The following TEC variants were observed in gnomAD, a reference collection of about 807,000 sequenced individuals.
TEC encodes the protein tyrosine-protein kinase Tec.
In TEC, 72 loss-of-function variants were observed where a neutral mutation model predicts 93.0. That is an observed-to-expected ratio of 0.77 (90% CI 0.64 to 0.94). The LOEUF (loss-of-function observed/expected upper bound fraction) is 0.94. Ranked by LOEUF, TEC falls within the 40% of genes least tolerant of loss-of-function variation. The probability of loss-of-function intolerance (pLI) is 0.00; values close to 1 mark genes in which losing one functional copy is unlikely to be tolerated. For missense variants in TEC, 630 were observed against 757.9 expected, an observed-to-expected ratio of 0.83 and a Z score of 1.98; for synonymous variants, 249 against 247.7, an observed-to-expected ratio of 1.01 and a Z score of -0.05.
chr4:48,193,291 G>A (rs1320160302), intron 2 of TEC, among the ~76,000 whole-genome samples: 6 of 151,674 alleles, frequency 4.0e-5, no homozygotes, highest in East Asian at 3.9e-4. Flanking sequence ...TAACTACGCC[G>A]TTTTCGAGAA....
At position 48,145,547 on chromosome 4, in the gene TEC, A is replaced by G; in HGVS notation, c.1114T>C (p.Phe372Leu). ...AGTCCACTTCCCAATTCCCTCATAA[A>G]GGTCAGTTCTGAAGGGTTAATCTCC... is the stretch of plus-strand genomic sequence containing the variant. Reference protein sequence around the residue: ...KWEINPSELTFMRELGSGLFG... With the variant: ...KWEINPSELTLMRELGSGLFG... Residue 372 changes from phenylalanine (F) to leucine (L), a missense_variant, in exon 13 of 18, where the codon TTT becomes CTT. This residue lies in a region of TEC where 289 missense variants were observed against 390.0 expected (regional missense o/e 0.74). Coordinates refer to ENST00000381501, the MANE Select transcript of TEC (RefSeq NM_003215.3). The G allele has an allele frequency of 1.9e-6, 3 of 1,614,144 alleles. No individual in the cohort carries two copies. Among genetic ancestry groups the G allele is most frequent in the Non-Finnish European group, 2.5e-6 (3 of 1,180,006 alleles).
intron 2 of TEC, among the ~76,000 whole-genome samples, chr4:48,180,959 CAA>C (rs1721559926): frequency 6.6e-6 from 1 of 152,104 alleles, no homozygotes; most frequent in African/African-American, 2.4e-5. Flanking sequence ...GTAAGAAAAG[CAA>C]AGACACCAGA....
chr4:48,144,594 C>T (rs1719825278), intron 14 of TEC, among the ~76,000 whole-genome samples: 1 of 152,180 alleles, frequency 6.6e-6, no homozygotes, highest in African/African-American at 2.4e-5. Context: ...TTAACATGAA[C>T]CTCCATGTTT....
intron 1 of TEC, among the ~76,000 whole-genome samples, chr4:48,257,000 G>T (rs2109675977): frequency 6.6e-6 from 1 of 152,288 alleles, no homozygotes; most frequent in East Asian, 1.9e-4. Context: ...TAATAAATAT[G>T]AATTTAAAAT....
chr4:48,250,050 C>T (rs1724161498), intron 1 of TEC, among the ~76,000 whole-genome samples: 1 of 152,210 alleles, frequency 6.6e-6, no homozygotes, highest in South Asian at 2.1e-4. Flanking sequence ...TTAGCTTTGA[C>T]ATTCTCCAGA....
chr4:48,246,780 G>C (rs1414590173), intron 1 of TEC, among the ~76,000 whole-genome samples: 3 of 152,050 alleles, frequency 2.0e-5, no homozygotes, highest in Non-Finnish European at 2.9e-5. Flanking sequence ...TTTAATTAAA[G>C]AACTAAAATT....
At chr4:48,140,554 T>C (rs1044654132) in intron 15 of TEC, among the ~76,000 whole-genome samples, 1 of 152,202 alleles carries the variant, frequency 6.6e-6, no homozygotes, top group Admixed American at 6.5e-5. Context: ...ATATTTCAGA[T>C]CTGGCAGGCC....
chr4:48,140,795 C>T (rs183963437), intron 15 of TEC, among the ~76,000 whole-genome samples: 59 of 152,212 alleles, frequency 3.9e-4, no homozygotes, highest in African/African-American at 1.4e-3. Flanking sequence ...CCACAGTTTA[C>T]CAGTATCGAC....
chr4:48,190,867 C>G (rs1722069222), intron 2 of TEC, among the ~76,000 whole-genome samples: 1 of 152,140 alleles, frequency 6.6e-6, no homozygotes, highest in African/African-American at 2.4e-5. Context: ...TGATGAAGAA[C>G]TTGTAAAGTT....
At chr4:48,211,860 G>A (rs1386722000) in intron 2 of TEC, among the ~76,000 whole-genome samples, 3 of 152,028 alleles carry the variant, frequency 2.0e-5, no homozygotes, top group Non-Finnish European at 4.4e-5. Context: ...CACTTTGGGA[G>A]GCCGAGGTAG....
chr4:48,258,542 T>C (rs1724406128), intron 1 of TEC, among the ~76,000 whole-genome samples: 2 of 152,234 alleles, frequency 1.3e-5, no homozygotes, highest in Non-Finnish European at 2.9e-5. Flanking sequence ...ATACTCCCTC[T>C]TGTATGTAAT....
chr4:48,256,869 G>A (rs1403341342), intron 1 of TEC, among the ~76,000 whole-genome samples: 1 of 152,166 alleles, frequency 6.6e-6, no homozygotes, highest in Non-Finnish European at 1.5e-5. Context: ...CCGGTCCTTA[G>A]GAGACAAAGA....
chr4:48,153,029 A>G (rs556574957), intron 9 of TEC, among the ~76,000 whole-genome samples: 1 of 152,264 alleles, frequency 6.6e-6, no homozygotes, highest in Admixed American at 6.5e-5. Flanking sequence ...TCACAGGTAG[A>G]CCCAGGTCCC....
intron 2 of TEC, among the ~76,000 whole-genome samples, chr4:48,221,216 G>A (rs965978980): frequency 1.3e-5 from 2 of 152,206 alleles, no homozygotes; most frequent in African/African-American, 4.8e-5. Flanking sequence ...TGGTTTGGCT[G>A]TGTCTGCACC....
intron 1 of TEC, among the ~76,000 whole-genome samples, chr4:48,229,303 G>A (rs1307875415): frequency 6.6e-6 from 1 of 152,214 alleles, no homozygotes; most frequent in Non-Finnish European, 1.5e-5. Context: ...GCTCAGGGCA[G>A]AGTCCACCTG....
At chr4:48,223,403 C>A (rs187450744) in intron 2 of TEC, among the ~76,000 whole-genome samples, 1 of 151,844 alleles carries the variant, frequency 6.6e-6, no homozygotes, top group East Asian at 1.9e-4. Flanking sequence ...AAGATTATTT[C>A]AAAGATAGGC....
chr4:48,196,468 A>C (rs1489263240), intron 2 of TEC, among the ~76,000 whole-genome samples: 1 of 152,240 alleles, frequency 6.6e-6, no homozygotes, highest in East Asian at 1.9e-4. Flanking sequence ...GAATTCGAAG[A>C]GTCAATTCAT....
rs1477988228 is a variant in TEC, at chr4:48,136,933, T to C, written c.*483A>G. On this transcript the variant is annotated 3_prime_UTR_variant, in exon 18 of 18. Coordinates refer to ENST00000381501, the MANE Select transcript of TEC (RefSeq NM_003215.3). ...TTTCAAAACAAAAGATAGGTATTTA[T>C]TTATCCAAGATGGGTTCCTGATGTA... is the stretch of plus-strand genomic sequence containing the variant. The C allele has an allele frequency of 6.6e-6, 1 of 152,600 alleles. No homozygotes were observed. The highest frequency in any genetic ancestry group is 2.4e-5 in the African/African-American group (1 of 41,460). The allele number at this position is 152,600 out of a possible 1,614,324, so 9.5% of individuals were successfully genotyped here.
intron 8 of TEC, 80 bp from the exon 9 acceptor site, chr4:48,156,814 C>T: frequency 9.0e-7 from 1 of 1,107,860 alleles, no homozygotes; most frequent in Non-Finnish European, 1.3e-6. Flanking sequence ...TAAAGTAATT[C>T]TGCTCATCAA....
Sources: allele counts gnomAD v4.1 joint callset (sites outside exome capture counted in the v4.1 genomes callset), GRCh38; gene constraint gnomAD v4.1.1; regional missense constraint gnomAD v4.1.1; transcripts MANE v1.5; gene names NCBI Gene and HGNC (gene_info 2026-07-23, HGNC 2026-07-21).